MED14: variants seen among roughly 807,000 people sequenced by gnomAD.
The protein encoded by MED14 is mediator of RNA polymerase II transcription subunit 14.
Under a neutral mutation model 109.0 loss-of-function variants are expected in MED14, and 8 were observed. The observed-to-expected ratio is 0.07, with a 90% CI of 0.04 to 0.13. The LOEUF is 0.13. Ranked by LOEUF, MED14 falls within the 10% of genes least tolerant of loss-of-function variation. The pLI, the probability that MED14 is intolerant of heterozygous loss-of-function variation, is 1.00. For missense variants in MED14, 711 were observed against 1,142.4 expected (o/e 0.62, Z 5.44); for synonymous variants, 399 against 408.7 (o/e 0.98, Z 0.29).
intron 11 of MED14, among the ~76,000 whole-genome samples, chrX:40,701,858 A>G (rs1044622739): frequency 9.0e-6 from 1 of 111,652 alleles, no homozygotes; most frequent in Non-Finnish European, 1.9e-5. Context: ...GGGGTCAACT[A>G]TGTCCCCCCA....
intron 3 of MED14, among the ~76,000 whole-genome samples, chrX:40,720,543 C>T (rs1931677304): frequency 1.8e-5 from 2 of 111,460 alleles, no homozygotes; most frequent in Admixed American, 9.5e-5. Flanking sequence ...CTCTGGAGTC[C>T]TAGGTAAACA....
chrX:40,715,254 A>C (rs1205021146), intron 3 of MED14, among the ~76,000 whole-genome samples: 2 of 111,875 alleles, frequency 1.8e-5, no homozygotes, highest in East Asian at 5.6e-4. Flanking sequence ...TAGAGAACAC[A>C]GAAATCCACA....
chrX:40,727,647 T>C, intron 2 of MED14, among the ~76,000 whole-genome samples: 1 of 111,728 alleles, frequency 9.0e-6, no homozygotes, highest in Non-Finnish European at 1.9e-5. Flanking sequence ...CTGATAATCA[T>C]ATCTTTTATG....
At chrX:40,682,556 C>G in intron 18 of MED14, 47 bp downstream of exon 18, 3 of 818,311 alleles carry the variant, frequency 3.7e-6, no homozygotes, top group Non-Finnish European at 4.9e-6. Flanking sequence ...AGGGTGAGGG[C>G]TTTTTTTTTT....
At chrX:40,729,416 T>C in intron 1 of MED14, 71 bp from the exon 2 acceptor site, 1 of 1,018,643 alleles carries the variant, frequency 9.8e-7, no homozygotes, top group Admixed American at 2.6e-5. Context: ...AGTCTTTACT[T>C]TGACTCTATT....
chrX:40,718,271 G>A (rs1931607490), intron 3 of MED14, among the ~76,000 whole-genome samples: 1 of 111,511 alleles, frequency 9.0e-6, no homozygotes. Context: ...TTTTTAACTG[G>A]CTTTTACTCA....
upstream of MED14, chrX:40,735,708 C>G: frequency 2.2e-6 from 1 of 452,718 alleles, no homozygotes. Context: ...CTTCGCCAGA[C>G]AGCCGCAACG....
intron 10 of MED14, among the ~76,000 whole-genome samples, chrX:40,705,811 A>G (rs1227442384): frequency 9.0e-6 from 1 of 111,634 alleles, no homozygotes; most frequent in Non-Finnish European, 1.9e-5. Context: ...CCCTGATTAT[A>G]AGTGCTGAAG....
At chrX:40,707,565 G>C (rs188464015) in intron 10 of MED14, among the ~76,000 whole-genome samples, 1 of 112,035 alleles carries the variant, frequency 8.9e-6, no homozygotes, top group East Asian at 2.8e-4. Flanking sequence ...ATAAACAAAA[G>C]ATGGTATAGC....
At position 40,714,502 on chromosome X, in the gene MED14, G is replaced by C. The variant is rs746629283; in HGVS notation, c.522+35C>G. ...ATCCAATCCAGTGCCAAAACCTTTAGTTTTTAGGAACATGGGGGCAAGCAA... is the reference window on the plus strand; with the variant it reads ...ATCCAATCCAGTGCCAAAACCTTTACTTTTTAGGAACATGGGGGCAAGCAA... On this transcript the variant is annotated intron_variant, in intron 4 of 30. Transcript: ENST00000324817. 1.1e-5 allele frequency: 13 copies of C among 1,195,884 alleles called. No homozygotes were observed. In the Admixed American group the frequency reaches 2.9e-4, roughly 27 times the overall value.
intron 9 of MED14, 114 bp from the exon 10 acceptor site, chrX:40,709,573 A>G: frequency 5.8e-6 from 2 of 346,307 alleles, no homozygotes; most frequent in Non-Finnish European, 1.0e-5. Context: ...ACACTGATTA[A>G]GTGTTAACCC....
chrX:40,678,590 GA>G (rs995398631), intron 21 of MED14, among the ~76,000 whole-genome samples: 2 of 110,757 alleles, frequency 1.8e-5, no homozygotes, highest in African/African-American at 6.6e-5. Context: ...CTGGAAGGGG[GA>G]AAGCACACAT....
chrX:40,710,936 C>T (rs1291580824), intron 8 of MED14, among the ~76,000 whole-genome samples: 1 of 111,535 alleles, frequency 9.0e-6, no homozygotes, highest in Non-Finnish European at 1.9e-5. Context: ...CGCAAACTCA[C>T]GTCCTGCAGT....
At chrX:40,722,545 G>C (rs1048496842) in intron 3 of MED14, among the ~76,000 whole-genome samples, 1 of 111,703 alleles carries the variant, frequency 9.0e-6, no homozygotes, top group Non-Finnish European at 1.9e-5. Flanking sequence ...GATAAGGGCA[G>C]TAAGTTTATT....
At chrX:40,668,807 A>T (rs1929619422) in intron 23 of MED14, among the ~76,000 whole-genome samples, 1 of 112,139 alleles carries the variant, frequency 8.9e-6, no homozygotes. Flanking sequence ...TCTTAGCAGT[A>T]GATTGTAATA....
intron 18 of MED14, among the ~76,000 whole-genome samples, chrX:40,682,179 C>A (rs1023495554): frequency 1.8e-5 from 2 of 111,244 alleles, no homozygotes; most frequent in African/African-American, 6.5e-5. Flanking sequence ...TAGAGGGTTC[C>A]AATTCCAACT....
At position 40,664,500 on chromosome X, in the gene MED14, G is replaced by A; in HGVS notation, c.3266-11C>T. ...TAGGGTCAAGAGTTCCTATAAAAAA[G>A]GTAAACAAATGATTCTCAAAACCTA... On this transcript the variant is annotated splice_polypyrimidine_tract_variant and intron_variant, in intron 24 of 30. Coordinates refer to ENST00000324817, the MANE Select transcript of MED14 (RefSeq NM_004229.4). 4 of 1,026,472 alleles carry A rather than the reference G, an allele frequency of 3.9e-6. No individual in the cohort carries two copies. Among genetic ancestry groups the A allele is most frequent in the East Asian group, 7.3e-5 (2 of 27,359 alleles). The allele number at this position is 1,026,472 out of a possible 1,213,427, so 84.6% of individuals were successfully genotyped here.
chrX:40,720,476 A>G (rs1931675205), intron 3 of MED14, among the ~76,000 whole-genome samples: 1 of 112,146 alleles, frequency 8.9e-6, no homozygotes, highest in Admixed American at 9.4e-5. Context: ...AGAATTGCCC[A>G]TCGCAGCGGT....
chrX:40,720,827 T>C (rs1344072045), intron 3 of MED14, among the ~76,000 whole-genome samples: 2 of 108,901 alleles, frequency 1.8e-5, no homozygotes, highest in African/African-American at 6.7e-5. Flanking sequence ...TAGGACAGGG[T>C]ACCGGGCAGA....
Sources: allele counts gnomAD v4.1 joint callset (sites outside exome capture counted in the v4.1 genomes callset), GRCh38; gene constraint gnomAD v4.1.1; transcripts MANE v1.5; gene names NCBI Gene and HGNC (gene_info 2026-07-23, HGNC 2026-07-21).